Variants in SUGCT observed in about 807,000 individuals in gnomAD.
SUGCT encodes succinyl-CoA:glutarate-CoA transferase.
In SUGCT, 41 loss-of-function variants were observed where a neutral mutation model predicts 55.0. That is an observed-to-expected ratio of 0.74 (90% CI 0.58 to 0.97). The LOEUF (loss-of-function observed/expected upper bound fraction) is 0.97. SUGCT is among the 50% of genes least tolerant of loss of function. The pLI, the probability that SUGCT is intolerant of heterozygous loss-of-function variation, is 0.00. For synonymous variants in SUGCT, 187 were observed against 200.4 expected (o/e 0.93, Z 0.56); for missense variants, 568 against 547.8 (o/e 1.04, Z -0.37).
At chr7:40,185,183 C>T (rs1785432637) in intron 3 of SUGCT, among the ~76,000 whole-genome samples, 2 of 152,104 alleles carry the variant, frequency 1.3e-5, no homozygotes, top group South Asian at 4.1e-4. Flanking sequence ...TCTAGCTCAA[C>T]ATTTGTTTTT....
At chr7:40,298,671 T>A (rs945531666) in intron 8 of SUGCT, among the ~76,000 whole-genome samples, 2 of 152,144 alleles carry the variant, frequency 1.3e-5, no homozygotes, top group East Asian at 3.8e-4. Context: ...CTATCATGTC[T>A]GGCTTCATGT....
At chr7:40,194,580 G>A (rs547988584) in intron 5 of SUGCT, among the ~76,000 whole-genome samples, 4 of 152,190 alleles carry the variant, frequency 2.6e-5, no homozygotes, top group Non-Finnish European at 4.4e-5. Flanking sequence ...TAGTTTTCTT[G>A]TAAAGGTTTA....
At chr7:40,162,196 G>A (rs1312453837) in intron 1 of SUGCT, among the ~76,000 whole-genome samples, 2 of 151,982 alleles carry the variant, frequency 1.3e-5, no homozygotes, top group Non-Finnish European at 2.9e-5. Flanking sequence ...GCGCCCGGCC[G>A]TGAAGTGATT....
At chr7:40,591,686 A>G (rs1044817304) in intron 12 of SUGCT, among the ~76,000 whole-genome samples, 6 of 152,092 alleles carry the variant, frequency 3.9e-5, no homozygotes, top group Admixed American at 2.0e-4. Flanking sequence ...AGCCACTCCA[A>G]TTTTCAGCAG....
intron 9 of SUGCT, among the ~76,000 whole-genome samples, chr7:40,369,251 T>C (rs1303753970): frequency 6.6e-6 from 1 of 152,136 alleles, no homozygotes; most frequent in African/African-American, 2.4e-5. Flanking sequence ...AAAATTCTTG[T>C]TGTAATTGTC....
At chr7:40,162,690 G>A (rs1784236817) in intron 1 of SUGCT, among the ~76,000 whole-genome samples, 1 of 152,154 alleles carries the variant, frequency 6.6e-6, no homozygotes, top group Non-Finnish European at 1.5e-5. Context: ...ATCTTGCTAT[G>A]TTGTGCTGGT....
chr7:40,738,006 C>T (rs772061226), intron 12 of SUGCT, among the ~76,000 whole-genome samples: 17 of 151,550 alleles, frequency 1.1e-4, no homozygotes, highest in Admixed American at 3.3e-4. Context: ...TCAAGACCAT[C>T]CTGGCCAACA....
chr7:41,033,994 G>A, the SUGCT span, among the ~76,000 whole-genome samples: 14 of 152,284 alleles, frequency 9.2e-5, no homozygotes, highest in African/African-American at 3.4e-4. Flanking sequence ...AAAATGCAAA[G>A]TTTCTGTCTC....
chr7:41,023,761 T>TC, the SUGCT span, among the ~76,000 whole-genome samples: 1 of 151,736 alleles, frequency 6.6e-6, no homozygotes, highest in African/African-American at 2.4e-5. Flanking sequence ...ATTTTTTTTT[T>TC]CTGATCAAAA....
the SUGCT span, among the ~76,000 whole-genome samples, chr7:40,955,912 T>C: frequency 6.6e-6 from 1 of 152,198 alleles, no homozygotes; most frequent in Non-Finnish European, 1.5e-5. Context: ...ATTGATTCTG[T>C]TTATGTGATG....
At chr7:40,940,778 G>T in the SUGCT span, among the ~76,000 whole-genome samples, 891 of 152,046 alleles carry the variant, frequency 5.9e-3, 12 homozygotes, top group African/African-American at 0.019. Flanking sequence ...AGGGTCTTTT[G>T]GAGGAATCTT....
intron 1 of SUGCT, among the ~76,000 whole-genome samples, chr7:40,151,431 T>C (rs980477525): frequency 1.3e-5 from 2 of 152,178 alleles, no homozygotes; most frequent in African/African-American, 4.8e-5. Context: ...CTTTTTTAGA[T>C]GAAGATTGTA....
At chr7:40,176,547 C>T (rs1784930651) in intron 1 of SUGCT, among the ~76,000 whole-genome samples, 1 of 151,940 alleles carries the variant, frequency 6.6e-6, no homozygotes, top group Admixed American at 6.6e-5. Flanking sequence ...GCCTTTCTGC[C>T]CCTTCCCTTT....
At chr7:40,531,822 C>T (rs949325075) in intron 12 of SUGCT, among the ~76,000 whole-genome samples, 16 of 152,060 alleles carry the variant, frequency 1.1e-4, no homozygotes, top group African/African-American at 3.9e-4. Flanking sequence ...TACAGGCGCC[C>T]GCCACTACGC....
intron 13 of SUGCT, among the ~76,000 whole-genome samples, chr7:40,798,600 A>T (rs984733357): frequency 1.3e-5 from 2 of 152,194 alleles, no homozygotes; most frequent in African/African-American, 2.4e-5. Context: ...TTCAAAACAC[A>T]TTGGTGTCTT....
intron 12 of SUGCT, among the ~76,000 whole-genome samples, chr7:40,636,974 G>A (rs1800048762): frequency 6.6e-6 from 1 of 152,132 alleles, no homozygotes; most frequent in Admixed American, 6.5e-5. Context: ...TGAAAGGAGT[G>A]GTGACTTTTG....
chr7:40,317,283 A>C (rs948911086), intron 9 of SUGCT, among the ~76,000 whole-genome samples: 1 of 152,164 alleles, frequency 6.6e-6, no homozygotes, highest in Non-Finnish European at 1.5e-5. Context: ...TTTGCGTGTG[A>C]TGGTTCTTCA....
chr7:40,452,148 G>A (rs1789226477), intron 10 of SUGCT, among the ~76,000 whole-genome samples: 1 of 152,218 alleles, frequency 6.6e-6, no homozygotes, highest in South Asian at 2.1e-4. Context: ...TGGAGTGGGA[G>A]CAAGAATATT....
At chr7:40,915,221 C>T in the SUGCT span, among the ~76,000 whole-genome samples, 4 of 152,118 alleles carry the variant, frequency 2.6e-5, no homozygotes, top group Middle Eastern at 0.014. Context: ...TTGCTCTGGG[C>T]AGTACAAAGT....
Sources: allele counts gnomAD v4.1 joint callset (sites outside exome capture counted in the v4.1 genomes callset), GRCh38; gene constraint gnomAD v4.1.1; transcripts MANE v1.5; gene names NCBI Gene and HGNC (gene_info 2026-07-23, HGNC 2026-07-21).